Variants in CWC22 observed in about 807,000 individuals in gnomAD.
CWC22 encodes the protein CWC22 spliceosome associated protein, also known as pre-mRNA-splicing factor CWC22 homolog.
In CWC22, 53 loss-of-function variants were observed where a neutral mutation model predicts 117.2. The observed-to-expected ratio is 0.45, with a 90% CI of 0.36 to 0.57. CWC22 has a LOEUF of 0.57. CWC22 is among the 20% of genes least tolerant of loss of function. The pLI, the probability that CWC22 is intolerant of heterozygous loss-of-function variation, is 0.00. For missense variants in CWC22, 980 were observed against 1,068.8 expected (o/e 0.92, Z 1.16); for synonymous variants, 360 against 355.6 (o/e 1.01, Z -0.14).
intron 4 of CWC22, among the ~76,000 whole-genome samples, chr2:179,983,461 G>A (rs908541265): frequency 4.6e-5 from 7 of 152,086 alleles, no homozygotes; most frequent in African/African-American, 1.7e-4. Context: ...TTTTATGGCT[G>A]CATAGTATTC....
chr2:179,979,063 C>T (rs1013654687), intron 5 of CWC22, among the ~76,000 whole-genome samples: 1 of 152,170 alleles, frequency 6.6e-6, no homozygotes, highest in African/African-American at 2.4e-5. Context: ...GGTTTTGTAA[C>T]TGCTTTTCTG....
intron 2 of CWC22, among the ~76,000 whole-genome samples, chr2:179,992,210 G>A (rs1687585933): frequency 1.3e-5 from 2 of 152,174 alleles, no homozygotes; most frequent in African/African-American, 4.8e-5. Context: ...TGATGTCCTG[G>A]TTTTAAATCC....
chr2:179,945,352 T>C lies in CWC22; in HGVS notation c.2504A>G (p.Lys835Arg), dbSNP rs2105500822. The C allele has an allele frequency of 6.2e-7, 1 of 1,612,646 alleles. No individual in the cohort carries two copies. The highest frequency in any genetic ancestry group is 8.5e-7 in the Non-Finnish European group (1 of 1,179,454). ...ERRNSFSENE[K>R]HTHRIKDSEN... ...ACTGTCTTTAATTCGGTGTGTATGC[T>C]TCTCATTTTCAGAAAAAGAATTTCT... Residue 835 changes from lysine to arginine, a missense_variant, in exon 20 of 20, where the codon AAG becomes AGG. By Grantham distance (26) the Lys-to-Arg change is conservative. Around this residue, in one of 3 missense-constraint regions of CWC22, gnomAD observed 306 missense variants for 296.8 expected, o/e 1.03. Coordinates refer to ENST00000410053, the MANE Select transcript of CWC22 (RefSeq NM_020943.3).
chr2:179,985,722 C>T (rs1395933265), intron 4 of CWC22, among the ~76,000 whole-genome samples: 4 of 151,950 alleles, frequency 2.6e-5, no homozygotes, highest in South Asian at 4.1e-4. Context: ...TTCTTATAAT[C>T]GTTCTATTTT....
At chr2:179,954,619 G>A (rs368442750) in intron 15 of CWC22, among the ~76,000 whole-genome samples, 1 of 152,026 alleles carries the variant, frequency 6.6e-6, no homozygotes. Context: ...AAATATTTTA[G>A]ATCATGCTTT....
chr2:179,952,747 T>G (rs764507489), intron 16 of CWC22, 149 bp from the exon 17 acceptor site: 2 of 451,028 alleles, frequency 4.4e-6, no homozygotes, highest in Admixed American at 4.1e-5. Context: ...CCCCTTATGC[T>G]GACATAAAGT....
intron 13 of CWC22, 75 bp downstream of exon 13, chr2:179,964,472 A>G (rs1239699688): frequency 1.3e-6 from 1 of 753,332 alleles, no homozygotes; most frequent in Non-Finnish European, 2.2e-6. Flanking sequence ...ATGAGACCCT[A>G]AAATGTATCC....
chr2:179,987,374 G>T (rs188993233), intron 3 of CWC22, among the ~76,000 whole-genome samples: 358 of 152,212 alleles, frequency 2.4e-3, no homozygotes, highest in Non-Finnish European at 4.0e-3. Context: ...AACCTTAAGA[G>T]AAGTTAAATA....
chr2:179,956,099 T>C (rs1686584624), intron 14 of CWC22, among the ~76,000 whole-genome samples: 1 of 151,910 alleles, frequency 6.6e-6, no homozygotes, highest in Admixed American at 6.6e-5. Flanking sequence ...TTTGTCATAT[T>C]TACTAACACA....
Position 179,986,817 on chromosome 2 carries a change from T to G in CWC22, c.96-12A>C. On this transcript the variant is annotated splice_polypyrimidine_tract_variant and intron_variant, in intron 3 of 19. Transcript: ENST00000410053. ...CTTGTTCTTCATATCTAACATAAAA[T>G]AAGAAAACCAAGTTGCAAATTAAAA... is the stretch of plus-strand genomic sequence containing the variant. The G allele has an allele frequency of 6.8e-7, 1 of 1,468,770 alleles. No homozygotes were observed. Among genetic ancestry groups the G allele is most frequent in the Non-Finnish European group, 9.3e-7 (1 of 1,079,606 alleles). 91.0% of individuals were successfully genotyped at this position (1,468,770 alleles called of 1,614,324 possible). A position where few individuals can be genotyped will look rare whatever the true frequency, so the allele number is the denominator to read the frequency against.
Position 179,945,113 on chromosome 2 carries a change from A to G in CWC22, c.*16T>C. 1 of 1,556,850 alleles carries G rather than the reference A, an allele frequency of 6.4e-7. No homozygotes were observed. The highest frequency in any genetic ancestry group is 8.7e-7 in the Non-Finnish European group (1 of 1,151,076). On this transcript the variant is annotated 3_prime_UTR_variant, in exon 20 of 20. Coordinates refer to ENST00000410053, the MANE Select transcript of CWC22 (RefSeq NM_020943.3). ...ACTGAATATAAGGCATGTCCAGTTTATGTCATTTTGTAGAATTATTTTTGT... is the reference window on the plus strand; with the variant it reads ...ACTGAATATAAGGCATGTCCAGTTTGTGTCATTTTGTAGAATTATTTTTGT...
chr2:179,977,233 T>A (rs1477673692), intron 6 of CWC22, among the ~76,000 whole-genome samples: 1 of 152,166 alleles, frequency 6.6e-6, no homozygotes, highest in East Asian at 1.9e-4. Context: ...TGGGTATATA[T>A]ACAAAGAAAA....
chr2:179,952,669 G>A (rs1457641984), intron 16 of CWC22, 71 bp from the exon 17 acceptor site: 1 of 806,826 alleles, frequency 1.2e-6, no homozygotes, highest in Non-Finnish European at 1.8e-6. Flanking sequence ...ACCAATATTT[G>A]TAGGTTTAAG....
rs756645607 is a variant in CWC22, at chr2:179,970,794, T to C, written c.1003A>G (p.Met335Val). The C allele has an allele frequency of 2.5e-6, 4 of 1,613,668 alleles. No homozygotes were observed. Among genetic ancestry groups the C allele is most frequent in the Non-Finnish European group, 3.4e-6 (4 of 1,179,618 alleles). Reference protein sequence around the residue: ...ESEIDKRVQYMIEVMFAVRKD... With the variant: ...ESEIDKRVQYVIEVMFAVRKD... ...CGTACAGCAAACATCACTTCAATCATATATTGAACTCTTTTGTCAATTTCA... is the reference window on the plus strand; with the variant it reads ...CGTACAGCAAACATCACTTCAATCACATATTGAACTCTTTTGTCAATTTCA... Residue 335 changes from methionine to valine, a missense_variant, in exon 10 of 20, where the codon ATG becomes GTG. Coordinates refer to ENST00000410053, the MANE Select transcript of CWC22 (RefSeq NM_020943.3).
intron 17 of CWC22, among the ~76,000 whole-genome samples, chr2:179,951,794 A>G (rs908216213): frequency 1.3e-5 from 2 of 152,256 alleles, no homozygotes; most frequent in South Asian, 4.1e-4. Context: ...ACCCAGGAAC[A>G]CTGAAGAGGC....
intron 1 of CWC22, among the ~76,000 whole-genome samples, chr2:179,994,221 CAAAAATAAAATA>C (rs531610098): frequency 9.1e-4 from 138 of 151,470 alleles, no homozygotes; most frequent in African/African-American, 3.2e-3. Context: ...ACTGAAATCC[CAAAAATAAAATA>C]GAAAATAAAA....
intron 17 of CWC22, 44 bp downstream of exon 17, chr2:179,952,427 A>T: frequency 2.7e-6 from 4 of 1,465,624 alleles, no homozygotes; most frequent in Non-Finnish European, 3.6e-6. Flanking sequence ...ATGGGAGAAA[A>T]CCAGAGGTCA....
rs1415018101 is a variant in CWC22 at position 179,945,034 on chromosome 2, C to T, written c.*95G>A. On this transcript the variant is annotated 3_prime_UTR_variant, in exon 20 of 20. Transcript: ENST00000410053. Reference sequence around the variant, plus strand: ...TTAAATTTACAAATACAAACCAATACTTTATACAAGAATTCTCTATAAAGT... The same window carrying T: ...TTAAATTTACAAATACAAACCAATATTTTATACAAGAATTCTCTATAAAGT... The T allele has an allele frequency of 1.1e-5, 9 of 829,622 alleles. No individual in the cohort carries two copies. Among genetic ancestry groups the T allele is most frequent in the Middle Eastern group, 2.8e-4 (1 of 3,590 alleles). The allele number at this position is 829,622 out of a possible 1,614,324, so 51.4% of individuals were successfully genotyped here.
chr2:179,999,678 G>A (rs1235984428), intron 1 of CWC22, among the ~76,000 whole-genome samples: 1 of 152,118 alleles, frequency 6.6e-6, no homozygotes, highest in East Asian at 1.9e-4. Context: ...GGAACTTGCT[G>A]AAACATATTG....
Sources: gnomAD v4.1 joint callset for allele counts (sites outside exome capture counted in the v4.1 genomes callset) on GRCh38, gnomAD v4.1.1 for gene constraint, gnomAD v4.1.1 regional missense constraint, MANE v1.5 for transcripts, NCBI Gene and HGNC (gene_info 2026-07-23, HGNC 2026-07-21) for gene names.